CCDC186: variants seen among roughly 807,000 people sequenced by gnomAD.
The protein encoded by CCDC186 is coiled-coil domain containing 186, also known as coiled-coil domain-containing protein 186.
In CCDC186, 49 loss-of-function variants were observed where a neutral mutation model predicts 113.7. The ratio of observed to expected loss-of-function variants is 0.43; its 90% CI spans 0.34 to 0.55. The LOEUF (loss-of-function observed/expected upper bound fraction) is 0.55. CCDC186 is among the 20% of genes least tolerant of loss of function. The pLI is 0.02. For synonymous variants in CCDC186, 355 were observed against 345.8 expected (o/e 1.03, Z -0.30); for missense variants, 890 against 1,011.1 (o/e 0.88, Z 1.62).
intron 13 of CCDC186, among the ~76,000 whole-genome samples, chr10:114,129,314 C>CA (rs10659450): frequency 1.2e-3 from 168 of 138,952 alleles, no homozygotes; most frequent in South Asian, 4.4e-3. Context: ...AGACCTGTCT[C>CA]AAAAAAAAAA....
At chr10:114,160,539 C>T (rs675298) in intron 2 of CCDC186, among the ~76,000 whole-genome samples, 26,022 of 152,132 alleles carry the variant, frequency 0.17, 2,278 homozygotes, top group Admixed American at 0.21. Flanking sequence ...TCTCACCACA[C>T]ACACACAAAG....
Position 114,125,931 on chromosome 10 carries a change from T to C in CCDC186, c.2568A>G (p.Leu856=), listed in dbSNP as rs758421767. ...GTAACGTATCCTCCAAAACAGCCTGTAATTTTCGGTTGATTTCCAAAGAGA... is the reference window on the plus strand; with the variant it reads ...GTAACGTATCCTCCAAAACAGCCTGCAATTTTCGGTTGATTTCCAAAGAGA... ...LELSLEINRK[L]QAVLEDTLLK... Residue 856 remains leucine (L), a synonymous_variant, in exon 15 of 16, where the codon TTA becomes TTG. Transcript: ENST00000369287. The C allele has an allele frequency of 1.9e-6, 3 of 1,614,006 alleles. No homozygotes were observed. Among genetic ancestry groups the C allele is most frequent in the Non-Finnish European group, 2.5e-6 (3 of 1,179,932 alleles).
Position 114,129,913 on chromosome 10 carries a change from C to T in CCDC186, c.2160G>A (p.Met720Ile). The T allele has an allele frequency of 6.2e-7, 1 of 1,613,642 alleles. No homozygotes were observed. The highest frequency in any genetic ancestry group is 8.5e-7 in the Non-Finnish European group (1 of 1,179,722). ...TACCTGATGAACTAGAACGACTTCC[C>T]ATGCTGCTGACTTCTTTGTCATAGC... is the stretch of plus-strand genomic sequence containing the variant. ...SGSYDKEVSS[M>I]GSRSSSSGSL... Residue 720 changes from methionine to isoleucine, a missense_variant, in exon 13 of 16, where the codon ATG (methionine) becomes ATA (isoleucine). By Grantham distance (10) the Met-to-Ile change is conservative (BLOSUM62 1). Transcript: ENST00000369287.
chr10:114,171,443 C>G (rs1231857628), intron 1 of CCDC186, among the ~76,000 whole-genome samples: 1 of 152,052 alleles, frequency 6.6e-6, no homozygotes, highest in Non-Finnish European at 1.5e-5. Context: ...CCTAGCTACT[C>G]AGGAGGCTAA....
chr10:114,141,709 A>C (rs1288864997), intron 6 of CCDC186, among the ~76,000 whole-genome samples: 2 of 152,252 alleles, frequency 1.3e-5, no homozygotes, highest in Non-Finnish European at 2.9e-5. Flanking sequence ...GAAGACTTGA[A>C]GGGAACTCAC....
chr10:114,150,091 A>C (rs945620940), intron 4 of CCDC186, among the ~76,000 whole-genome samples: 1 of 152,228 alleles, frequency 6.6e-6, no homozygotes, highest in African/African-American at 2.4e-5. Context: ...TCTGTTTCCT[A>C]AAGTCCTTCC....
intron 6 of CCDC186, among the ~76,000 whole-genome samples, chr10:114,143,527 T>G (rs1011234009): frequency 6.6e-6 from 1 of 152,250 alleles, no homozygotes; most frequent in African/African-American, 2.4e-5. Context: ...CTGAAAATTC[T>G]TTCTCTGCCT....
chr10:114,150,667 T>C (rs2031826691), intron 4 of CCDC186, among the ~76,000 whole-genome samples: 1 of 152,174 alleles, frequency 6.6e-6, no homozygotes. Flanking sequence ...TATTTTTTTT[T>C]AGACAGAGTC....
At chr10:114,129,473 C>A (rs1165248985) in intron 13 of CCDC186, among the ~76,000 whole-genome samples, 4 of 152,020 alleles carry the variant, frequency 2.6e-5, no homozygotes, top group Non-Finnish European at 4.4e-5. Context: ...TATATATAAC[C>A]ACAATTTTTC....
chr10:114,149,730 GACGAAGGAAGGAAGGCAGGAAGGC>G lies in CCDC186; in HGVS notation c.888+1338_888+1361del, dbSNP rs1564912823. 5.4e-5 allele frequency among the ~76,000 whole-genome samples: 4 copies of G among 73,452 alleles called. No individual in the cohort carries two copies. The East Asian group carries it at 2.1e-3, about 38-fold the overall frequency. The allele number at this position is 73,452 out of a possible 152,430, so 48.2% of individuals were successfully genotyped here. On this transcript the variant is annotated intron_variant, in intron 4 of 15. Transcript: ENST00000369287. ...AAGGAAAGGGAGGAAGGGAGGAAGG[GACGAAGGAAGGAAGGCAGGAAGGC>G]AGGAAGGAAGGAAGGAAGGAAGGCA...
At position 114,123,764 on chromosome 10, in the gene CCDC186, T is replaced by TA. The variant is rs1021304656; in HGVS notation, c.*1378dup. 39 of 152,322 alleles carry TA rather than the reference T, an allele frequency of 2.6e-4. No homozygotes were observed. The highest frequency in any genetic ancestry group is 8.7e-4 in the African/African-American group (36 of 41,582). 9.4% of individuals were successfully genotyped at this position (152,322 alleles called of 1,614,324 possible). ...ACTTAAGTGTCTATCTTAAACACTG[T>TA]AAAAAATCCAACAAGATAGAAAAAT... On this transcript the variant is annotated 3_prime_UTR_variant, in exon 16 of 16. Coordinates refer to ENST00000369287, the MANE Select transcript of CCDC186 (RefSeq NM_018017.4).
At chr10:114,139,203 C>CTTT (rs78214340) in intron 6 of CCDC186, among the ~76,000 whole-genome samples, 6 of 134,236 alleles carry the variant, frequency 4.5e-5, no homozygotes, top group African/African-American at 1.4e-4. Flanking sequence ...CCCTTTGTTC[C>CTTT]TTTTTTTTTT....
rs566725249 is a variant in CCDC186 at position 114,125,938 on chromosome 10, C to T, written c.2561G>A (p.Arg854Gln). The T allele has an allele frequency of 3.3e-5, 53 of 1,613,960 alleles. No homozygotes were observed. In the South Asian group the frequency reaches 4.6e-4, roughly 14 times the overall value. Residue 854 changes from arginine (R) to glutamine (Q), a missense_variant, in exon 15 of 16, where the codon CGA becomes CAA. Arg to Gln is a conservative substitution (Grantham distance 43, BLOSUM62 1). Coordinates refer to ENST00000369287, the MANE Select transcript of CCDC186 (RefSeq NM_018017.4). Reference sequence around the variant, plus strand: ...ATCCTCCAAAACAGCCTGTAATTTTCGGTTGATTTCCAAAGAGAGCTCCAA... The same window carrying T: ...ATCCTCCAAAACAGCCTGTAATTTTTGGTTGATTTCCAAAGAGAGCTCCAA... ...LTLELSLEIN[R>Q]KLQAVLEDTL... is the part of the protein sequence containing the mutation.
At chr10:114,148,489 TAATC>T (rs1469171928) in intron 4 of CCDC186, among the ~76,000 whole-genome samples, 1 of 152,210 alleles carries the variant, frequency 6.6e-6, no homozygotes, top group Non-Finnish European at 1.5e-5. Flanking sequence ...ATGAATAAGA[TAATC>T]AATAGGACTC....
chr10:114,135,154 G>T, intron 9 of CCDC186, 99 bp from the exon 10 acceptor site: 1 of 1,205,972 alleles, frequency 8.3e-7, no homozygotes, highest in Non-Finnish European at 1.1e-6. Context: ...AAATTCTAAA[G>T]CACCATTAAC....
chr10:114,151,327 T>C, intron 3 of CCDC186, 107 bp from the exon 4 acceptor site: 1 of 852,568 alleles, frequency 1.2e-6, no homozygotes, highest in Non-Finnish European at 1.7e-6. Context: ...ATACAATGAA[T>C]ATACTTCAGC....
At chr10:114,146,138 C>G (rs993014334) in intron 4 of CCDC186, among the ~76,000 whole-genome samples, 12 of 152,108 alleles carry the variant, frequency 7.9e-5, no homozygotes, top group African/African-American at 2.9e-4. Context: ...TGGGTTCACC[C>G]AACAGAAGGC....
chr10:114,127,346 C>T, intron 14 of CCDC186, 115 bp downstream of exon 14: 1 of 945,192 alleles, frequency 1.1e-6, no homozygotes. Flanking sequence ...AACTGAATAA[C>T]TATAATTATT....
At chr10:114,153,269 C>G (rs1386278758) in intron 3 of CCDC186, among the ~76,000 whole-genome samples, 2 of 151,964 alleles carry the variant, frequency 1.3e-5, no homozygotes, top group African/African-American at 2.4e-5. Context: ...TATTCTCCAA[C>G]CATAATGGAA....
Sources: allele counts gnomAD v4.1 joint callset (sites outside exome capture counted in the v4.1 genomes callset), GRCh38; gene constraint gnomAD v4.1.1; transcripts MANE v1.5; gene names NCBI Gene and HGNC (gene_info 2026-07-23, HGNC 2026-07-21).